The following WWOX variants were observed in gnomAD, a reference collection of about 807,000 sequenced individuals.
WWOX encodes WW domain containing oxidoreductase, also known as WW domain-containing oxidoreductase.
WWOX carries 69 observed loss-of-function variants against 46.2 expected under a neutral mutation model. The ratio of observed to expected loss-of-function variants is 1.49; its 90% confidence interval spans 1.23 to 1.82. The LOEUF (loss-of-function observed/expected upper bound fraction) is 1.82, where lower values mean the gene tolerates loss of function less well. WWOX is among the 40% of genes most tolerant of loss of function. The pLI, the probability that WWOX is intolerant of heterozygous loss-of-function variation, is 0.00. For missense variants in WWOX, 919 were observed against 542.6 expected (o/e 1.69, Z -6.89); for synonymous variants, 359 against 202.6 (o/e 1.77, Z -6.56).
chr16:78,964,002 T>A (rs1251920584), intron 8 of WWOX, among the ~76,000 whole-genome samples: 1 of 152,190 alleles, frequency 6.6e-6, no homozygotes, highest in Admixed American at 6.5e-5. Flanking sequence ...GAAGTGCCTT[T>A]CACCTCCACC....
intron 8 of WWOX, among the ~76,000 whole-genome samples, chr16:78,880,319 C>G (rs180903017): frequency 6.6e-6 from 1 of 152,164 alleles, no homozygotes; most frequent in Admixed American, 6.5e-5. Context: ...TGCTTTCACC[C>G]GTACCTGTGG....
intron 8 of WWOX, among the ~76,000 whole-genome samples, chr16:78,839,036 G>A (rs2052067598): frequency 6.6e-6 from 1 of 152,080 alleles, no homozygotes; most frequent in Non-Finnish European, 1.5e-5. Flanking sequence ...CTAGAGTTTT[G>A]TGAGATATCA....
chr16:78,954,327 G>C (rs2046122145), intron 8 of WWOX, among the ~76,000 whole-genome samples: 1 of 152,094 alleles, frequency 6.6e-6, no homozygotes, highest in Non-Finnish European at 1.5e-5. Flanking sequence ...TGGATGGATG[G>C]AGGGATGGAT....
intron 5 of WWOX, among the ~76,000 whole-genome samples, chr16:78,360,813 T>G (rs182225564): frequency 1.9e-4 from 23 of 118,470 alleles, no homozygotes; most frequent in African/African-American, 7.2e-4. Flanking sequence ...TGTATCTCCT[T>G]GGTGCCTTTA....
chr16:78,496,067 G>C (rs1036775509), intron 8 of WWOX: 2 of 152,116 alleles, frequency 1.3e-5, no homozygotes, highest in African/African-American at 4.8e-5. Context: ...GATTAGACTT[G>C]TACTTCTTTT....
At chr16:78,373,540 C>G (rs149278857) in intron 5 of WWOX, among the ~76,000 whole-genome samples, 54 of 152,266 alleles carry the variant, frequency 3.5e-4, no homozygotes, top group African/African-American at 1.3e-3. Context: ...TCTGTCTAGT[C>G]AACCTCTTTT....
At chr16:78,785,182 A>C (rs1169746454) in intron 8 of WWOX, among the ~76,000 whole-genome samples, 10 of 152,246 alleles carry the variant, frequency 6.6e-5, no homozygotes, top group Admixed American at 5.2e-4. Flanking sequence ...AGAATTAAGC[A>C]AAGTAAGATG....
intron 8 of WWOX, among the ~76,000 whole-genome samples, chr16:78,779,147 C>G (rs557127901): frequency 6.6e-6 from 1 of 152,100 alleles, no homozygotes; most frequent in Non-Finnish European, 1.5e-5. Context: ...TCCAACTTGT[C>G]TTTTTTGTTG....
intron 8 of WWOX, among the ~76,000 whole-genome samples, chr16:78,466,462 C>G (rs1300387626): frequency 6.6e-6 from 1 of 152,168 alleles, no homozygotes; most frequent in African/African-American, 2.4e-5. Context: ...TGAATTTCAT[C>G]TCAGCAAAAA....
At chr16:78,947,375 C>CT (rs1017406839) in intron 8 of WWOX, among the ~76,000 whole-genome samples, 1 of 109,836 alleles carries the variant, frequency 9.1e-6, no homozygotes, top group Non-Finnish European at 1.9e-5. Context: ...TTTTTCTCTT[C>CT]CCCCCCTTAG....
chr16:78,443,248 T>C (rs970974840), intron 8 of WWOX, among the ~76,000 whole-genome samples: 2 of 150,978 alleles, frequency 1.3e-5, no homozygotes, highest in Non-Finnish European at 2.9e-5. Flanking sequence ...GAGGTTGCAG[T>C]GAGCTGACAT....
chr16:78,591,962 C>G (rs550591692), intron 8 of WWOX, among the ~76,000 whole-genome samples: 1 of 152,244 alleles, frequency 6.6e-6, no homozygotes, highest in Non-Finnish European at 1.5e-5. Context: ...GTGTTCCTAA[C>G]AATGCGCCTA....
chr16:78,937,636 T>G (rs2045768457), intron 8 of WWOX, among the ~76,000 whole-genome samples: 1 of 149,296 alleles, frequency 6.7e-6, no homozygotes, highest in South Asian at 2.1e-4. Flanking sequence ...TTTATTTATT[T>G]ATTTATGAGA....
intron 8 of WWOX, among the ~76,000 whole-genome samples, chr16:78,999,350 A>C (rs1014849195): frequency 1.3e-5 from 2 of 152,128 alleles, no homozygotes; most frequent in African/African-American, 4.8e-5. Flanking sequence ...CATGCCTGTA[A>C]TCCCAGCTAC....
At chr16:78,709,521 G>T (rs373249860) in intron 8 of WWOX, among the ~76,000 whole-genome samples, 1 of 152,126 alleles carries the variant, frequency 6.6e-6, no homozygotes, top group Non-Finnish European at 1.5e-5. Flanking sequence ...CTGATAGACG[G>T]TGTGCCTCTT....
At chr16:79,172,466 T>A (rs997644917) in intron 8 of WWOX, among the ~76,000 whole-genome samples, 12 of 152,276 alleles carry the variant, frequency 7.9e-5, no homozygotes, top group African/African-American at 2.9e-4. Context: ...TTGGTACCTG[T>A]AGTCCCGAGC....
intron 8 of WWOX, among the ~76,000 whole-genome samples, chr16:79,191,385 C>T (rs892192825): frequency 6.6e-6 from 1 of 152,122 alleles, no homozygotes; most frequent in African/African-American, 2.4e-5. Flanking sequence ...AGAGAAAGGC[C>T]ACCGAGATAG....
At chr16:78,972,117 G>A (rs76954302) in intron 8 of WWOX, among the ~76,000 whole-genome samples, 5,425 of 152,226 alleles carry the variant, frequency 0.036, 342 homozygotes, top group African/African-American at 0.12. Flanking sequence ...GCAGGCTGTC[G>A]TCCTGCATTG....
At chr16:78,556,685 T>G (rs558081902) in intron 8 of WWOX, among the ~76,000 whole-genome samples, 1 of 152,304 alleles carries the variant, frequency 6.6e-6, no homozygotes, top group African/African-American at 2.4e-5. Context: ...GTATTTGTTT[T>G]CCCTGAGACC....
Sources: allele counts gnomAD v4.1 joint callset (sites outside exome capture counted in the v4.1 genomes callset), GRCh38; gene constraint gnomAD v4.1.1; transcripts MANE v1.5; gene names NCBI Gene and HGNC (gene_info 2026-07-23, HGNC 2026-07-21).